Variants in SLCO2A1 observed in about 807,000 individuals in gnomAD.
SLCO2A1 encodes the protein solute carrier organic anion transporter family member 2A1.
In SLCO2A1, 60 loss-of-function variants were observed where a neutral mutation model predicts 71.7. The observed-to-expected ratio is 0.84, with a 90% CI of 0.68 to 1.04. The LOEUF (loss-of-function observed/expected upper bound fraction) is 1.04. Ranked by LOEUF, SLCO2A1 falls within the 50% of genes least tolerant of loss-of-function variation. The probability of loss-of-function intolerance (pLI) is 0.00; values close to 1 mark genes in which losing one functional copy is unlikely to be tolerated. For missense variants in SLCO2A1, 745 were observed against 813.4 expected (o/e 0.92, Z 1.02); for synonymous variants, 308 against 326.7 (o/e 0.94, Z 0.62).
intron 1 of SLCO2A1, 78 bp from the exon 2 acceptor site, chr3:133,979,696 C>A: frequency 1.3e-6 from 2 of 1,496,942 alleles, no homozygotes; most frequent in East Asian, 4.6e-5. Context: ...TTAGGGGCCC[C>A]GGCAGGCTGA....
Position 133,942,998 on chromosome 3 carries a change from G to A in SLCO2A1, c.1462-230C>T, listed in dbSNP as rs550665677. On this transcript the variant is annotated intron_variant, in intron 10 of 13. Transcript: ENST00000310926. ...GCAACAGAAACCATCTTCTGGGCTG[G>A]GCTGGGCTCCTCCAGAAGTCATATC... Among the ~76,000 whole-genome samples, 22 of 152,284 alleles carry A rather than the reference G, an allele frequency of 1.4e-4. No homozygotes were observed. The South Asian group carries it at 4.4e-3, about 30-fold the overall frequency.
intron 6 of SLCO2A1, among the ~76,000 whole-genome samples, chr3:133,950,282 C>A (rs990211605): frequency 3.9e-5 from 6 of 152,156 alleles, no homozygotes; most frequent in African/African-American, 1.2e-4. Flanking sequence ...CTGCCCCTCT[C>A]CCCCCGGCTG....
At chr3:133,971,445 T>C (rs1934324017) in intron 3 of SLCO2A1, among the ~76,000 whole-genome samples, 1 of 152,244 alleles carries the variant, frequency 6.6e-6, no homozygotes, top group South Asian at 2.1e-4. Flanking sequence ...CACTGGAGAT[T>C]TATAAAAAGG....
chr3:133,938,606 G>T lies in SLCO2A1; in HGVS notation c.1626-113C>A, dbSNP rs60831557. ...AGAACCAGCCCTGATGTGGCCTGAC[G>T]AGCCCTCTGGTGACCGGGTTCACCT... On this transcript the variant is annotated intron_variant, in intron 11 of 13. Transcript: ENST00000310926. 8.5e-3 allele frequency: 7,738 copies of T among 914,584 alleles called. 391 individuals are homozygous for T. In the African/African-American group the frequency reaches 0.11, roughly 13 times the overall value. The allele number at this position is 914,584 out of a possible 1,614,324, so 56.7% of individuals were successfully genotyped here. A position where few individuals can be genotyped will look rare whatever the true frequency, so the allele number is the denominator to read the frequency against.
intron 9 of SLCO2A1, 89 bp from the exon 10 acceptor site, chr3:133,945,349 T>C: frequency 7.9e-7 from 1 of 1,262,014 alleles, no homozygotes; most frequent in Non-Finnish European, 1.1e-6. Flanking sequence ...CCTGGCCTGG[T>C]GAGTGTGTCT....
intron 1 of SLCO2A1, among the ~76,000 whole-genome samples, chr3:134,006,277 T>C (rs4128715): frequency 0.76 from 114,959 of 152,050 alleles, 44,159 homozygotes; most frequent in Non-Finnish European, 0.83. Context: ...GTCTCAAAAT[T>C]CTGGGCTTAA....
intron 1 of SLCO2A1, among the ~76,000 whole-genome samples, chr3:133,999,995 A>AAAAACAAAAC (rs1395393884): frequency 2.0e-5 from 3 of 152,226 alleles, no homozygotes; most frequent in Non-Finnish European, 4.4e-5. Flanking sequence ...GGGACAAGGC[A>AAAAACAAAAC]AAAACAAAAC....
rs547371666 is a variant in SLCO2A1 at position 133,946,556 on chromosome 3, T to A, written c.1295+700A>T. On this transcript the variant is annotated intron_variant, in intron 9 of 13. Transcript: ENST00000310926. ...TTATTCTTCTCCAGATCTTTTCAAG[T>A]CTCCTTTCATCTCTCTTCAGCAGCT... Among the ~76,000 whole-genome samples the A allele has an allele frequency of 3.3e-5, 5 of 152,316 alleles. No individual in the cohort carries two copies. The East Asian group carries it at 9.6e-4, about 29-fold the overall frequency.
chr3:133,946,991 T>C (rs1376884993), intron 9 of SLCO2A1, among the ~76,000 whole-genome samples: 1 of 152,094 alleles, frequency 6.6e-6, no homozygotes, highest in African/African-American at 2.4e-5. Context: ...GGTACACACC[T>C]GTAATCCCAG....
Position 133,934,375 on chromosome 3 carries a change from T to C in SLCO2A1, c.*338A>G, listed in dbSNP as rs976716793. On this transcript the variant is annotated 3_prime_UTR_variant, in exon 14 of 14. Transcript: ENST00000310926. ...ACCCTTTTTCTCTCTCTGTTTAGGA[T>C]TCCCCCCAGGGCTGGTGAGGGGCCT... 5.4e-6 allele frequency: 1 copy of C among 185,872 alleles called. No individual in the cohort carries two copies. 11.5% of individuals were successfully genotyped at this position (185,872 alleles called of 1,614,324 possible).
intron 1 of SLCO2A1, among the ~76,000 whole-genome samples, chr3:134,027,904 A>T (rs1055764020): frequency 1.3e-5 from 2 of 152,218 alleles, no homozygotes; most frequent in African/African-American, 2.4e-5. Flanking sequence ...CTGGTCTTGC[A>T]ATTAGTATGG....
At chr3:133,936,535 T>C (rs943263838) in intron 12 of SLCO2A1, among the ~76,000 whole-genome samples, 1 of 152,196 alleles carries the variant, frequency 6.6e-6, no homozygotes, top group African/African-American at 2.4e-5. Context: ...TGGCAGGGGC[T>C]ATGCCTTCCT....
intron 3 of SLCO2A1, among the ~76,000 whole-genome samples, chr3:133,972,311 A>G (rs570830854): frequency 6.6e-6 from 1 of 152,284 alleles, no homozygotes; most frequent in South Asian, 2.1e-4. Flanking sequence ...AGGAAGTCAT[A>G]CTTTAAGGAA....
chr3:134,021,588 AGAG>A (rs992770503), intron 1 of SLCO2A1, among the ~76,000 whole-genome samples: 4 of 152,122 alleles, frequency 2.6e-5, no homozygotes, highest in African/African-American at 9.7e-5. Context: ...GAAAGGAAAG[AGAG>A]AAGAAAAGAG....
chr3:134,014,503 A>G (rs1227124981), intron 1 of SLCO2A1, among the ~76,000 whole-genome samples: 1 of 152,220 alleles, frequency 6.6e-6, no homozygotes, highest in Non-Finnish European at 1.5e-5. Context: ...CAGGGAATTA[A>G]GGTCCTCTCA....
chr3:134,004,310 CTTAAA>C (rs1172196028), intron 1 of SLCO2A1, among the ~76,000 whole-genome samples: 3 of 152,124 alleles, frequency 2.0e-5, no homozygotes, highest in African/African-American at 7.2e-5. Flanking sequence ...GCTGGGTGGT[CTTAAA>C]TTAATCACAA....
At chr3:134,020,727 G>T (rs1318181154) in intron 1 of SLCO2A1, among the ~76,000 whole-genome samples, 2 of 151,238 alleles carry the variant, frequency 1.3e-5, no homozygotes. Flanking sequence ...TGACAGGACT[G>T]GTCTTGAGAA....
rs746733612 is a variant in SLCO2A1, at chr3:133,955,226, C to T, written c.398-33G>A. ...GAGAGTGCTTGCTGGTCTCCACCACCCTGGTCTCCTGGTTCCACCGGCTGG... is the reference window on the plus strand; with the variant it reads ...GAGAGTGCTTGCTGGTCTCCACCACTCTGGTCTCCTGGTTCCACCGGCTGG... On this transcript the variant is annotated intron_variant, in intron 3 of 13. Coordinates refer to ENST00000310926, the MANE Select transcript of SLCO2A1 (RefSeq NM_005630.3). 5.1e-6 allele frequency: 8 copies of T among 1,567,604 alleles called. No homozygotes were observed. In the South Asian group the frequency reaches 8.1e-5, roughly 16 times the overall value.
At chr3:133,979,640 C>A in intron 1 of SLCO2A1, 22 bp from the exon 2 acceptor site, 1 of 1,582,676 alleles carries the variant, frequency 6.3e-7, no homozygotes, top group Non-Finnish European at 8.6e-7. Flanking sequence ...GTGATGGGCC[C>A]GTGAGGTTTC....
Sources: gnomAD v4.1 joint callset for allele counts (sites outside exome capture counted in the v4.1 genomes callset) on GRCh38, gnomAD v4.1.1 for gene constraint, MANE v1.5 for transcripts, NCBI Gene and HGNC (gene_info 2026-07-23, HGNC 2026-07-21) for gene names.